The following PIGL variants were observed in gnomAD, a reference collection of about 807,000 sequenced individuals.
PIGL encodes N-acetylglucosaminyl-phosphatidylinositol de-N-acetylase.
A neutral mutation model predicts 31.1 loss-of-function variants in PIGL; 22 were observed. The ratio of observed to expected loss-of-function variants is 0.71; its 90% CI spans 0.51 to 1.01. PIGL has a LOEUF of 1.01. PIGL is among the 50% of genes least tolerant of loss of function. The pLI is 0.00. For synonymous variants in PIGL, 131 were observed against 117.4 expected, an observed-to-expected ratio of 1.12 and a Z score of -0.75; for missense variants, 302 against 315.9, an observed-to-expected ratio of 0.96 and a Z score of 0.33.
chr17:16,259,061 GT>G (rs2092808982), intron 2 of PIGL, among the ~76,000 whole-genome samples: 3 of 152,298 alleles, frequency 2.0e-5, no homozygotes, highest in South Asian at 2.1e-4. Flanking sequence ...GACAAGTAAA[GT>G]TGCAGCTGTT....
At chr17:16,220,779 C>T (rs1012012774) in intron 1 of PIGL, among the ~76,000 whole-genome samples, 1 of 151,808 alleles carries the variant, frequency 6.6e-6, no homozygotes, top group Non-Finnish European at 1.5e-5. Context: ...TGAGCCACCG[C>T]GCCCAGCCAC....
At position 16,233,898 on chromosome 17, in the gene PIGL, T is replaced by A. The variant is rs1198424361; in HGVS notation, c.236-73T>A. 3 of 751,982 alleles carry A rather than the reference T, an allele frequency of 4.0e-6. No individual in the cohort carries two copies. In the African/African-American group the frequency reaches 5.3e-5, roughly 13 times the overall value. 46.6% of individuals were successfully genotyped at this position (751,982 alleles called of 1,614,324 possible). On this transcript the variant is annotated intron_variant, in intron 1 of 6. Coordinates refer to ENST00000225609, the MANE Select transcript of PIGL (RefSeq NM_004278.4). ...AATCCTTTAAGGAACAAAAACAGGA[T>A]AAGAATGAGTGAATAGATAGGTCTC...
chr17:16,290,273 G>C (rs2092954943), intron 2 of PIGL, among the ~76,000 whole-genome samples: 2 of 151,892 alleles, frequency 1.3e-5, no homozygotes, highest in South Asian at 4.2e-4. Context: ...ATTAGAAATG[G>C]GGTTTCCACA....
chr17:16,262,344 G>A (rs764402931), intron 2 of PIGL, among the ~76,000 whole-genome samples: 88 of 152,174 alleles, frequency 5.8e-4, no homozygotes, highest in Admixed American at 5.2e-4. Context: ...AACATCATAA[G>A]TCATTAGTGG....
intron 3 of PIGL, among the ~76,000 whole-genome samples, chr17:16,312,164 G>A (rs1389141167): frequency 1.3e-5 from 2 of 150,928 alleles, no homozygotes; most frequent in Admixed American, 6.6e-5. Context: ...CCTCCCGGAC[G>A]GGGCGGCTGC....
chr17:16,217,483 G>A (rs753525073), intron 1 of PIGL, 22 bp downstream of exon 1: 32 of 1,574,328 alleles, frequency 2.0e-5, no homozygotes, highest in African/African-American at 6.7e-5. Context: ...TAGGAGGGGC[G>A]ATGGGAGCCG....
At chr17:16,241,070 C>T (rs1342411193) in intron 2 of PIGL, among the ~76,000 whole-genome samples, 5 of 143,098 alleles carry the variant, frequency 3.5e-5, no homozygotes, top group South Asian at 2.2e-4. Flanking sequence ...GCCGAAATCA[C>T]GCCATTGCAC....
chr17:16,307,437 G>A (rs183742422), intron 3 of PIGL, among the ~76,000 whole-genome samples: 2 of 152,208 alleles, frequency 1.3e-5, no homozygotes, highest in Non-Finnish European at 2.9e-5. Context: ...TGCTGTGCAC[G>A]CTGGGTGGGA....
chr17:16,252,322 T>C (rs2092776290), intron 2 of PIGL, among the ~76,000 whole-genome samples: 1 of 152,020 alleles, frequency 6.6e-6, no homozygotes. Context: ...TCCACCCGCC[T>C]TGGCCTCCCA....
intron 2 of PIGL, among the ~76,000 whole-genome samples, chr17:16,294,399 T>C (rs1446671482): frequency 6.6e-6 from 1 of 152,140 alleles, no homozygotes; most frequent in Non-Finnish European, 1.5e-5. Flanking sequence ...CCTTGCCATG[T>C]CTCCCTTCCC....
intron 2 of PIGL, among the ~76,000 whole-genome samples, chr17:16,252,957 C>T (rs955220594): frequency 2.6e-5 from 4 of 152,184 alleles, no homozygotes; most frequent in Non-Finnish European, 2.9e-5. Flanking sequence ...GTGGCTTATT[C>T]CTGTAATCCC....
intron 2 of PIGL, among the ~76,000 whole-genome samples, chr17:16,246,670 G>GTTTTTTTTTTTTTTTTT (rs1284256034): frequency 5.6e-5 from 6 of 106,532 alleles, no homozygotes; most frequent in African/African-American, 1.1e-4. Context: ...CCAGATCAAG[G>GTTTTTTTTTTTTTTTTT]TCTTTTTTTT....
chr17:16,290,255 G>C (rs1255350018), intron 2 of PIGL, among the ~76,000 whole-genome samples: 1 of 151,462 alleles, frequency 6.6e-6, no homozygotes, highest in Non-Finnish European at 1.5e-5. Context: ...GCTAATTATT[G>C]TATTTTTATT....
intron 2 of PIGL, among the ~76,000 whole-genome samples, chr17:16,248,037 AC>A: frequency 6.6e-6 from 1 of 152,052 alleles, no homozygotes; most frequent in Middle Eastern, 3.4e-3. Context: ...ACAGGCGCGC[AC>A]CACCACACCT....
chr17:16,220,951 A>G lies in PIGL; in HGVS notation c.235+3490A>G, dbSNP rs75915091. Among the ~76,000 whole-genome samples, 996 of 152,232 alleles carry G rather than the reference A, an allele frequency of 6.5e-3. 14 individuals are homozygous for G. The highest frequency in any genetic ancestry group is 0.023 in the African/African-American group (961 of 41,534). On this transcript the variant is annotated intron_variant, in intron 1 of 6. Transcript: ENST00000225609. ...CATGGCCTGTTTGTTTATTTTATAA[A>G]AATGGGGTCTTGTTCTGTCTAGAGC...
intron 2 of PIGL, among the ~76,000 whole-genome samples, chr17:16,272,951 C>T (rs114251272): frequency 0.017 from 2,576 of 152,246 alleles, 64 homozygotes; most frequent in African/African-American, 0.058. Context: ...GCCAGGTTCA[C>T]GTGGAAGTTG....
In PIGL at chr17:16,217,236, A is replaced by ATGTGGCTCCTGTG. The variant is rs1568766701; in HGVS notation, c.17_29dup (p.Leu11ProfsTer45). On this transcript the variant is annotated frameshift_variant, in exon 1 of 7. Coordinates refer to ENST00000225609, the MANE Select transcript of PIGL (RefSeq NM_004278.4). LOFTEE classifies it high-confidence loss of function. ...GTGCTGCTTACCCATCATGGAAGCA[A>ATGTGGCTCCTGTG]TGTGGCTCCTGTGTGTGGCGTTGGC... 6.2e-7 allele frequency: 1 copy of ATGTGGCTCCTGTG among 1,614,102 alleles called. No individual in the cohort carries two copies. The highest frequency in any genetic ancestry group is 1.7e-5 in the Admixed American group (1 of 60,010).
At chr17:16,241,920 A>G (rs149464424) in intron 2 of PIGL, among the ~76,000 whole-genome samples, 111 of 152,280 alleles carry the variant, frequency 7.3e-4, no homozygotes, top group African/African-American at 2.6e-3. Flanking sequence ...TTCTCCTACT[A>G]TTGAATATTT....
At chr17:16,249,348 G>A (rs926302066) in intron 2 of PIGL, among the ~76,000 whole-genome samples, 16 of 151,992 alleles carry the variant, frequency 1.1e-4, no homozygotes, top group South Asian at 2.1e-4. Flanking sequence ...GCATGGTGGC[G>A]CACGCCTGTA....
Sources: gnomAD v4.1 joint callset for allele counts (sites outside exome capture counted in the v4.1 genomes callset) on GRCh38, gnomAD v4.1.1 for gene constraint, MANE v1.5 for transcripts, NCBI Gene and HGNC (gene_info 2026-07-23, HGNC 2026-07-21) for gene names.